Variants in MRPS33 observed in about 807,000 individuals in gnomAD.
MRPS33 encodes small ribosomal subunit protein mS33.
MRPS33 carries 11 observed loss-of-function variants against 11.2 expected under a neutral mutation model. The observed-to-expected ratio is 0.99, with a 90% confidence interval of 0.62 to 1.63. The LOEUF (loss-of-function observed/expected upper bound fraction) is 1.63. Among genes scored for constraint, MRPS33 ranks in the 40% most tolerant of loss-of-function variants. The probability of loss-of-function intolerance (pLI) is 0.00; values close to 1 mark genes in which losing one functional copy is unlikely to be tolerated. For synonymous variants in MRPS33, 46 were observed against 44.0 expected, an observed-to-expected ratio of 1.05 and a Z score of -0.18; for missense variants, 109 against 127.8, an observed-to-expected ratio of 0.85 and a Z score of 0.71.
chr7:141,007,668 T>C (rs548714269), intron 2 of MRPS33, among the ~76,000 whole-genome samples: 1 of 152,274 alleles, frequency 6.6e-6, no homozygotes, highest in South Asian at 2.1e-4. Flanking sequence ...CTCAAGGCCT[T>C]TGCTGTGCTC....
intron 2 of MRPS33, among the ~76,000 whole-genome samples, chr7:141,006,841 A>G (rs543608641): frequency 1.3e-5 from 2 of 152,278 alleles, no homozygotes; most frequent in African/African-American, 4.8e-5. Flanking sequence ...GATTACCCCA[A>G]ATTTCCCTGC....
chr7:141,012,525 A>G (rs1030837384), intron 1 of MRPS33, among the ~76,000 whole-genome samples: 3 of 152,208 alleles, frequency 2.0e-5, no homozygotes, highest in African/African-American at 7.2e-5. Context: ...AGCCTTGCAA[A>G]TGTCCAGAGT....
At chr7:141,014,810 G>C (rs1024763351) in intron 1 of MRPS33, 101 bp downstream of exon 1, 1 of 152,216 alleles carries the variant, frequency 6.6e-6, no homozygotes, top group Non-Finnish European at 1.5e-5. Flanking sequence ...TAATGAAGTG[G>C]ATTCGCCCTA....
rs1820505155 is a variant in MRPS33, at chr7:141,005,538, G to C, written c.*892C>G. The C allele has an allele frequency of 6.6e-6, 1 of 152,116 alleles. No individual in the cohort carries two copies. Among genetic ancestry groups the C allele is most frequent in the African/African-American group, 2.4e-5 (1 of 41,396 alleles). The allele number at this position is 152,116 out of a possible 1,614,324, so 9.4% of individuals were successfully genotyped here. ...CCAGCTAATTTTTGCATTTTTAGTA[G>C]GTGGGGTTTCACCATGTTGGCCAAA... On this transcript the variant is annotated 3_prime_UTR_variant, in exon 3 of 3. Transcript: ENST00000324787.
At chr7:141,006,562 A>G (rs778629358) in intron 2 of MRPS33, 27 bp from the exon 3 acceptor site, 4 of 1,567,844 alleles carry the variant, frequency 2.6e-6, no homozygotes, top group South Asian at 1.1e-5. Flanking sequence ...AAAATAATTA[A>G]CCAGTTATTT....
At chr7:141,012,423 G>GC (rs1178196815) in intron 1 of MRPS33, among the ~76,000 whole-genome samples, 1 of 151,976 alleles carries the variant, frequency 6.6e-6, no homozygotes, top group Non-Finnish European at 1.5e-5. Flanking sequence ...GTTGGGGGTG[G>GC]GGTTGTTAGG....
rs530277875 is a variant in MRPS33 at position 141,004,151 on chromosome 7, T to C, written c.*2279A>G. The C allele has an allele frequency of 2.0e-5, 3 of 152,234 alleles. No individual in the cohort carries two copies. In the South Asian group the frequency reaches 6.2e-4, roughly 32 times the overall value. 9.4% of individuals were successfully genotyped at this position (152,234 alleles called of 1,614,324 possible). Reference sequence around the variant, plus strand: ...CCTTCTCTACTAAAAATACAAAATATTAGCCGGGCGTGGTGGTGGGCGCCT... The same window carrying C: ...CCTTCTCTACTAAAAATACAAAATACTAGCCGGGCGTGGTGGTGGGCGCCT... On this transcript the variant is annotated 3_prime_UTR_variant, in exon 3 of 3. Coordinates refer to ENST00000324787, the MANE Select transcript of MRPS33 (RefSeq NM_053035.3).
chr7:141,009,496 A>C (rs1433812765), intron 2 of MRPS33, among the ~76,000 whole-genome samples: 3 of 152,028 alleles, frequency 2.0e-5, no homozygotes, highest in Non-Finnish European at 4.4e-5. Flanking sequence ...ACATACACAC[A>C]CATACAAACA....
chr7:141,007,745 G>A (rs905309771), intron 2 of MRPS33, among the ~76,000 whole-genome samples: 1 of 152,022 alleles, frequency 6.6e-6, no homozygotes, highest in Non-Finnish European at 1.5e-5. Context: ...TCAAGCCTCT[G>A]CTTAAACCTC....
At chr7:141,011,956 C>T (rs1820682320) in intron 1 of MRPS33, among the ~76,000 whole-genome samples, 1 of 149,532 alleles carries the variant, frequency 6.7e-6, no homozygotes, top group South Asian at 2.1e-4. Flanking sequence ...AAGACCAGCC[C>T]AGGCAACATG....
At chr7:141,009,725 C>G (rs768776549) in intron 2 of MRPS33, 1 of 151,988 alleles carries the variant, frequency 6.6e-6, no homozygotes, top group Non-Finnish European at 1.5e-5. Context: ...CATCTGATAA[C>G]AAGAGCCCAC....
Position 141,006,538 on chromosome 7 carries a change from G to C in MRPS33, c.216-3C>G. ...CCATAAAATCCTGATGCTCATCTCT[G>C]AATGAAGAAGGAAAAAATAATTAAC... On this transcript the variant is annotated splice_polypyrimidine_tract_variant and splice_region_variant and intron_variant, in intron 2 of 2. Transcript: ENST00000324787. 6.2e-7 allele frequency: 1 copy of C among 1,610,410 alleles called. No homozygotes were observed. Among genetic ancestry groups the C allele is most frequent in the South Asian group, 1.1e-5 (1 of 90,944 alleles).
At chr7:141,006,950 G>T (rs1040595384) in intron 2 of MRPS33, among the ~76,000 whole-genome samples, 1 of 152,108 alleles carries the variant, frequency 6.6e-6, no homozygotes, top group African/African-American at 2.4e-5. Context: ...ACTCAGAATG[G>T]GGTGAGGTCT....
chr7:141,012,205 A>G (rs1820693702), intron 1 of MRPS33, among the ~76,000 whole-genome samples: 1 of 137,086 alleles, frequency 7.3e-6, no homozygotes, highest in African/African-American at 2.6e-5. Flanking sequence ...GCAGAGGCTG[A>G]TCTCAAACCA....
chr7:141,012,063 G>A (rs1298015041), intron 1 of MRPS33, among the ~76,000 whole-genome samples: 2 of 150,988 alleles, frequency 1.3e-5, no homozygotes, highest in East Asian at 1.9e-4. Context: ...CCAGCTACTC[G>A]TGGAGGCTGA....
chr7:141,006,591 A>G (rs148577995), intron 2 of MRPS33, 56 bp from the exon 3 acceptor site: 8 of 1,425,942 alleles, frequency 5.6e-6, no homozygotes, highest in Non-Finnish European at 7.9e-6. Context: ...AGAAAAGTAC[A>G]CTAATCTAGC....
rs961625250 is a variant in MRPS33, at chr7:141,003,201, C to T, written c.*3229G>A. 1.3e-5 allele frequency: 2 copies of T among 152,164 alleles called. No individual in the cohort carries two copies. The allele number at this position is 152,164 out of a possible 1,614,324, so 9.4% of individuals were successfully genotyped here. ...AAGCACCAATAGTTTAGGTTTTGAC[C>T]AGAGAAATCCAATTAAACAAACTGG... On this transcript the variant is annotated 3_prime_UTR_variant, in exon 3 of 3. Transcript: ENST00000324787.
chr7:141,004,517 GA>G lies in MRPS33; in HGVS notation c.*1912del. 6.6e-6 allele frequency: 1 copy of G among 152,160 alleles called. No homozygotes were observed. 9.4% of individuals were successfully genotyped at this position (152,160 alleles called of 1,614,324 possible). On this transcript the variant is annotated 3_prime_UTR_variant, in exon 3 of 3. Coordinates refer to ENST00000324787, the MANE Select transcript of MRPS33 (RefSeq NM_053035.3). ...GGAATCATTGAGTGTTACAGAGAAAGAAAACTGTGGCTGGAGTAGCTGCTAT... is the reference window on the plus strand; with the variant it reads ...GGAATCATTGAGTGTTACAGAGAAAGAAACTGTGGCTGGAGTAGCTGCTAT...
intron 1 of MRPS33, among the ~76,000 whole-genome samples, chr7:141,011,989 AAAAAAAC>A (rs56069392): frequency 6.8e-6 from 1 of 146,270 alleles, no homozygotes; most frequent in South Asian, 2.2e-4. Context: ...TTTTACAGAA[AAAAAAAC>A]AAAAAACAAA....
Sources: allele counts gnomAD v4.1 joint callset (sites outside exome capture counted in the v4.1 genomes callset), GRCh38; gene constraint gnomAD v4.1.1; transcripts MANE v1.5; gene names NCBI Gene and HGNC (gene_info 2026-07-23, HGNC 2026-07-21).